CFAP45: variants seen among roughly 807,000 people sequenced by gnomAD.
CFAP45 encodes cilia- and flagella-associated protein 45.
Under a neutral mutation model 75.6 loss-of-function variants are expected in CFAP45, and 43 were observed. The ratio of observed to expected loss-of-function variants is 0.57; its 90% CI spans 0.45 to 0.73. CFAP45 has a LOEUF of 0.73. CFAP45 is among the 30% of genes least tolerant of loss of function. The pLI, the probability that CFAP45 is intolerant of heterozygous loss-of-function variation, is 0.00. For missense variants in CFAP45, 689 were observed against 701.5 expected (o/e 0.98, Z 0.20); for synonymous variants, 223 against 244.6 (o/e 0.91, Z 0.82).
At chr1:159,877,517 A>G in intron 8 of CFAP45, 55 bp from the exon 9 acceptor site, 1 of 1,249,030 alleles carries the variant, frequency 8.0e-7, no homozygotes, top group Non-Finnish European at 1.2e-6. Context: ...CCTTGCAGAG[A>G]GAAACAAAAC....
At chr1:159,880,119 A>G (rs1477555923) in intron 8 of CFAP45, among the ~76,000 whole-genome samples, 1 of 152,192 alleles carries the variant, frequency 6.6e-6, no homozygotes, top group African/African-American at 2.4e-5. Context: ...AGATGGGGGA[A>G]GACTATTTTC....
chr1:159,872,910 A>G (rs1184201693), intron 11 of CFAP45, 34 bp downstream of exon 11: 5 of 1,586,292 alleles, frequency 3.2e-6, no homozygotes, highest in Non-Finnish European at 4.3e-6. Flanking sequence ...GCGGGAGGGA[A>G]GAGGATTTGG....
At chr1:159,893,876 T>A (rs930987663) in intron 1 of CFAP45, among the ~76,000 whole-genome samples, 1 of 151,140 alleles carries the variant, frequency 6.6e-6, no homozygotes, top group African/African-American at 2.4e-5. Flanking sequence ...TATAAATGTA[T>A]ATTAATATAC....
At chr1:159,894,946 C>T (rs184304850) in intron 1 of CFAP45, among the ~76,000 whole-genome samples, 2 of 152,296 alleles carry the variant, frequency 1.3e-5, no homozygotes, top group Admixed American at 1.3e-4. Flanking sequence ...GGGGGTGCAA[C>T]AGTGCATCAG....
intron 2 of CFAP45, 57 bp downstream of exon 2, chr1:159,893,123 A>T: frequency 6.2e-7 from 1 of 1,603,336 alleles, no homozygotes; most frequent in Non-Finnish European, 8.5e-7. Flanking sequence ...CCTGAGCTAC[A>T]TTTTTGGGCC....
Position 159,886,708 on chromosome 1 carries a change from A to G in CFAP45, c.589-19T>C, listed in dbSNP as rs770280838. 4 of 1,607,490 alleles carry G rather than the reference A, an allele frequency of 2.5e-6. No individual in the cohort carries two copies. The South Asian group carries it at 3.3e-5, about 13-fold the overall frequency. On this transcript the variant is annotated intron_variant, in intron 5 of 11. Coordinates refer to ENST00000368099, the MANE Select transcript of CFAP45 (RefSeq NM_012337.3). ...GGATAATCTGGAGAGTGGAGATTAA[A>G]CTGTAGCACTAGGCCTAGGGATGTG...
intron 7 of CFAP45, among the ~76,000 whole-genome samples, chr1:159,881,133 CT>C (rs1309864593): frequency 6.6e-6 from 1 of 152,174 alleles, no homozygotes; most frequent in Non-Finnish European, 1.5e-5. Context: ...TAATTGAGTG[CT>C]TTCTATTTCT....
At chr1:159,883,566 A>G (rs1649600633) in intron 7 of CFAP45, among the ~76,000 whole-genome samples, 1 of 151,782 alleles carries the variant, frequency 6.6e-6, no homozygotes, top group Non-Finnish European at 1.5e-5. Context: ...AGGCTGAAGC[A>G]TTTAGTGGCA....
At position 159,872,371 on chromosome 1, in the gene CFAP45, C is replaced by G; in HGVS notation, c.*114G>C. On this transcript the variant is annotated 3_prime_UTR_variant, in exon 12 of 12. Coordinates refer to ENST00000368099, the MANE Select transcript of CFAP45 (RefSeq NM_012337.3). ...AGAAAGCCAAGCTGTTCCTTAAAGT[C>G]AAGTAGATTTAATCTGTAACTATGA... is the stretch of plus-strand genomic sequence containing the variant. The G allele has an allele frequency of 1.2e-6, 1 of 865,592 alleles. No homozygotes were observed. Among genetic ancestry groups the G allele is most frequent in the Non-Finnish European group, 2.0e-6 (1 of 510,952 alleles). 53.6% of individuals were successfully genotyped at this position (865,592 alleles called of 1,614,324 possible). A position where few individuals can be genotyped will look rare whatever the true frequency, so the allele number is the denominator to read the frequency against.
chr1:159,872,911 G>T, intron 11 of CFAP45, 33 bp downstream of exon 11: 1 of 1,592,676 alleles, frequency 6.3e-7, no homozygotes, highest in Middle Eastern at 1.7e-4. Context: ...CGGGAGGGAA[G>T]AGGATTTGGG....
Position 159,872,633 on chromosome 1 carries a change from C to G in CFAP45, c.1578-70G>C, listed in dbSNP as rs576644631. 5.5e-5 allele frequency: 77 copies of G among 1,391,336 alleles called. 1 individual carries two copies. In the South Asian group the frequency reaches 7.5e-4, roughly 14 times the overall value. 86.2% of individuals were successfully genotyped at this position (1,391,336 alleles called of 1,614,324 possible). The stretch of plus-strand genomic sequence containing the variant: ...GACAGGAGGTGGGAGGAAGCAGGCT[C>G]TGGGTGGGGTTTACAGAACCTGGGG... On this transcript the variant is annotated intron_variant, in intron 11 of 11. Coordinates refer to ENST00000368099, the MANE Select transcript of CFAP45 (RefSeq NM_012337.3).
chr1:159,896,886 T>C lies in CFAP45; in HGVS notation c.3+3210A>G, dbSNP rs142536102. Among the ~76,000 whole-genome samples, 273 of 152,328 alleles carry C rather than the reference T, an allele frequency of 1.8e-3. 1 individual carries two copies. The highest frequency in any genetic ancestry group is 6.2e-3 in the African/African-American group (259 of 41,564). On this transcript the variant is annotated intron_variant, in intron 1 of 11. Coordinates refer to ENST00000368099, the MANE Select transcript of CFAP45 (RefSeq NM_012337.3). ...ACTCTGATGCAGAAAGATTTGCTGA[T>C]CAAACAAATGATAATTTTGACTTAC...
chr1:159,882,844 C>T (rs1167286330), intron 7 of CFAP45, among the ~76,000 whole-genome samples: 2 of 152,138 alleles, frequency 1.3e-5, no homozygotes, highest in African/African-American at 2.4e-5. Flanking sequence ...CCTTCTTGGC[C>T]CTTTCCCACT....
intron 11 of CFAP45, among the ~76,000 whole-genome samples, 159 bp downstream of exon 11, chr1:159,872,785 G>A (rs1649310246): frequency 6.6e-6 from 1 of 152,186 alleles, no homozygotes; most frequent in African/African-American, 2.4e-5. Flanking sequence ...TTCTGCTGGA[G>A]CCCCCTTCAG....
chr1:159,877,419 C>G lies in CFAP45; in HGVS notation c.1088G>C (p.Arg363Thr). The G allele has an allele frequency of 6.2e-7, 1 of 1,614,162 alleles. No homozygotes were observed. Among genetic ancestry groups the G allele is most frequent in the Non-Finnish European group, 8.5e-7 (1 of 1,179,996 alleles). The change falls in exon 9 of 12, where the codon AGG (arginine) becomes ACG (threonine). Residue 363 changes from arginine (R) to threonine (T), a missense_variant. By Grantham distance (71) the Arg-to-Thr change is moderately conservative. Coordinates refer to ENST00000368099, the MANE Select transcript of CFAP45 (RefSeq NM_012337.3). ...EFEAEQERIR[R>T]EKEKEIARLR... ...GCGTGCGATCTCCTTCTCTTTCTCCCTCCGGATTCTCTCCTGCTCAGCCTC... is the reference window on the plus strand; with the variant it reads ...GCGTGCGATCTCCTTCTCTTTCTCCGTCCGGATTCTCTCCTGCTCAGCCTC...
At chr1:159,889,779 C>T (rs1463695656) in intron 3 of CFAP45, among the ~76,000 whole-genome samples, 2 of 152,194 alleles carry the variant, frequency 1.3e-5, no homozygotes, top group Non-Finnish European at 2.9e-5. Context: ...TGTGCCTCTC[C>T]AGCTTGTGAC....
chr1:159,876,731 G>A lies in CFAP45; in HGVS notation c.1177C>T (p.Arg393Cys), dbSNP rs1483238059. Residue 393 changes from arginine (R) to cysteine (C), a missense_variant, in exon 10 of 12, where the codon CGC becomes TGC. By Grantham distance (180) the Arg-to-Cys change is radical. Coordinates refer to ENST00000368099, the MANE Select transcript of CFAP45 (RefSeq NM_012337.3). ...TCTCTGTCTGCAACCTCCTGGTTGCGCTTGGCCCGCAAGGCATCCTGGGAA... is the reference window on the plus strand; with the variant it reads ...TCTCTGTCTGCAACCTCCTGGTTGCACTTGGCCCGCAAGGCATCCTGGGAA... The part of the protein sequence containing the change: ...QAEQDALRAK[R>C]NQEVADREWR... The A allele has an allele frequency of 6.2e-6, 10 of 1,613,980 alleles. No homozygotes were observed. The Admixed American group carries it at 8.3e-5, about 13-fold the overall frequency.
Position 159,884,578 on chromosome 1 carries a change from A to T in CFAP45, c.768-13T>A. On this transcript the variant is annotated splice_polypyrimidine_tract_variant and intron_variant, in intron 6 of 11. Transcript: ENST00000368099. The stretch of plus-strand genomic sequence containing the variant: ...TTGCCGCCTTCCTCTTGGAGAGAAC[A>T]GTGCCACAGTGTCTTAGAAACCCCG... 10 of 1,611,556 alleles carry T rather than the reference A, an allele frequency of 6.2e-6. No individual in the cohort carries two copies. Among genetic ancestry groups the T allele is most frequent in the Non-Finnish European group, 8.5e-6 (10 of 1,179,124 alleles).
chr1:159,897,318 T>A (rs926468575), intron 1 of CFAP45, among the ~76,000 whole-genome samples: 2 of 151,714 alleles, frequency 1.3e-5, no homozygotes, highest in Non-Finnish European at 2.9e-5. Context: ...GCATGGTGGC[T>A]CACGCCTGTA....
Sources: allele counts gnomAD v4.1 joint callset (sites outside exome capture counted in the v4.1 genomes callset), GRCh38; gene constraint gnomAD v4.1.1; transcripts MANE v1.5; gene names NCBI Gene and HGNC (gene_info 2026-07-23, HGNC 2026-07-21).